The following ABCG1 variants were observed in gnomAD, a reference collection of about 807,000 sequenced individuals.
ABCG1 encodes ATP-binding cassette sub-family G member 1.
Under a neutral mutation model 69.2 loss-of-function variants are expected in ABCG1, and 29 were observed. That is an observed-to-expected ratio of 0.42 (90% CI 0.31 to 0.57). The LOEUF is 0.57. Ranked by LOEUF, ABCG1 falls within the 20% of genes least tolerant of loss-of-function variation. The probability of loss-of-function intolerance (pLI) is 0.15; values close to 1 mark genes in which losing one functional copy is unlikely to be tolerated. For synonymous variants in ABCG1, 370 were observed against 374.8 expected (o/e 0.99, Z 0.15); for missense variants, 718 against 898.1 (o/e 0.80, Z 2.56).
Position 42,276,902 on chromosome 21 carries a change from C to G in ABCG1, c.545C>G (p.Ala182Gly). ...LTVQEAMMVS[A>G]HLKLQEKDEG... ...TGTCCTTGTCCCCTGCAGGTGTCGG[C>G]ACATCTGAAGCTTCAGGAGAAGGAT... Residue 182 changes from alanine to glycine, a missense_variant, in exon 5 of 15, where the codon GCA (alanine) becomes GGA (glycine). By Grantham distance (60) the Ala-to-Gly change is moderately conservative (BLOSUM62 0). Transcript: ENST00000398449. This position sits in a 1 kb window ranked among gnomAD's most constrained non-coding sequence, Gnocchi z 5.3. 8 of 1,614,154 alleles carry G rather than the reference C, an allele frequency of 5.0e-6. No homozygotes were observed. Among genetic ancestry groups the G allele is most frequent in the Non-Finnish European group, 6.8e-6 (8 of 1,180,014 alleles).
chr21:42,256,771 G>C (rs996070475), intron 2 of ABCG1, among the ~76,000 whole-genome samples: 2 of 152,184 alleles, frequency 1.3e-5, no homozygotes, highest in African/African-American at 4.8e-5. Context: ...AAGGAACTGG[G>C]TCTGCAATGT....
intron 6 of ABCG1, among the ~76,000 whole-genome samples, chr21:42,284,321 G>T (rs909604948): frequency 2.0e-5 from 3 of 151,708 alleles, no homozygotes; most frequent in Admixed American, 6.5e-5. Context: ...AGCAAGGCTC[G>T]CTGGGGTCCC....
upstream of ABCG1, chr21:42,219,051 C>A (rs72542414): frequency 2.6e-5 from 7 of 267,940 alleles, no homozygotes; most frequent in Non-Finnish European, 4.6e-5. This position sits in a 1 kb window ranked among gnomAD's most constrained non-coding sequence, Gnocchi z 5.3. Flanking sequence ...GCGCACCTGC[C>A]GGCCCGCCCG....
Position 42,219,984 on chromosome 21 carries a change from C to T in ABCG1, c.42+680C>T. 3 of 1,552,986 alleles carry T rather than the reference C, an allele frequency of 1.9e-6. No homozygotes were observed. Among genetic ancestry groups the T allele is most frequent in the Non-Finnish European group, 2.6e-6 (3 of 1,147,604 alleles). On this transcript the variant is annotated intron_variant, in intron 1 of 14. Coordinates refer to ENST00000398449, the MANE Select transcript of ABCG1 (RefSeq NM_016818.3). This position sits in a 1 kb window ranked among gnomAD's most constrained non-coding sequence, Gnocchi z 5.3. Reference sequence around the variant, plus strand: ...GGTGGGGACAGGGATGCGCATTTCACTTCCCCGAGCTCCGGAGAGGGATGG... The same window carrying T: ...GGTGGGGACAGGGATGCGCATTTCATTTCCCCGAGCTCCGGAGAGGGATGG...
At chr21:42,218,940 G>T (rs184756729), upstream of ABCG1, among the ~76,000 whole-genome samples, 27 of 152,268 alleles carry the variant, frequency 1.8e-4, no homozygotes, top group Middle Eastern at 6.8e-3. Context: ...GGTGGCAGGG[G>T]GTTCCCATGC....
At chr21:42,253,369 T>A (rs1221101733) in intron 2 of ABCG1, among the ~76,000 whole-genome samples, 1 of 152,188 alleles carries the variant, frequency 6.6e-6, no homozygotes, top group Non-Finnish European at 1.5e-5. Context: ...GGGGGAAAGC[T>A]GGGACCCCAC....
rs2068644930 is a variant in ABCG1, at chr21:42,273,111, T to A, written c.405-192T>A. Among the ~76,000 whole-genome samples, 1 of 152,220 alleles carries A rather than the reference T, an allele frequency of 6.6e-6. No homozygotes were observed. Among genetic ancestry groups the A allele is most frequent in the African/African-American group, 2.4e-5 (1 of 41,450 alleles). On this transcript the variant is annotated intron_variant, in intron 3 of 14. Transcript: ENST00000398449. The surrounding 1 kb of genome is among the most constrained non-coding windows in gnomAD (Gnocchi z 5.3). The stretch of plus-strand genomic sequence containing the variant: ...CCCAGCAGGAGCTTTCTCTGTGGAA[T>A]GTCTTCCTCCCGATCGCTGCAGTGC...
chr21:42,287,276 G>A lies in ABCG1; in HGVS notation c.974-613G>A, dbSNP rs1399208629. ...GTCCAGGTGGAGGGAGACCTTAGGGGAGCGAGTCTGCAGGTGGAGTGGGGA... is the reference window on the plus strand; with the variant it reads ...GTCCAGGTGGAGGGAGACCTTAGGGAAGCGAGTCTGCAGGTGGAGTGGGGA... On this transcript the variant is annotated intron_variant, in intron 8 of 14. Transcript: ENST00000398449. The surrounding 1 kb of genome is among the most constrained non-coding windows in gnomAD (Gnocchi z 6.2). Among the ~76,000 whole-genome samples the A allele has an allele frequency of 6.6e-6, 1 of 152,146 alleles. No homozygotes were observed. Among genetic ancestry groups the A allele is most frequent in the Non-Finnish European group, 1.5e-5 (1 of 68,022 alleles).
At chr21:42,202,389 C>T (rs556045611) in intron 2 of ABCG1, among the ~76,000 whole-genome samples, 1 of 152,132 alleles carries the variant, frequency 6.6e-6, no homozygotes, top group East Asian at 1.9e-4. Context: ...CCTTGCAGAA[C>T]TTTCTACACA....
chr21:42,283,634 C>T (rs899813774), intron 6 of ABCG1, among the ~76,000 whole-genome samples: 3 of 150,936 alleles, frequency 2.0e-5, no homozygotes, highest in Non-Finnish European at 4.4e-5. Context: ...CAGCTGCCTG[C>T]CTGGACAGTT....
chr21:42,203,957 T>C (rs568122913), intron 2 of ABCG1, among the ~76,000 whole-genome samples: 4 of 152,394 alleles, frequency 2.6e-5, no homozygotes, highest in African/African-American at 9.6e-5. Flanking sequence ...ATACAAGTCC[T>C]GTACCTGTTT....
chr21:42,208,226 T>A (rs1320776354), intron 2 of ABCG1, among the ~76,000 whole-genome samples: 1 of 147,272 alleles, frequency 6.8e-6, no homozygotes, highest in Non-Finnish European at 1.5e-5. Flanking sequence ...GTTGGGACTT[T>A]TTTTTTTTTT....
In ABCG1 at chr21:42,219,367, A is replaced by G. The variant is rs2067684052; in HGVS notation, c.42+63A>G. 3 of 1,561,178 alleles carry G rather than the reference A, an allele frequency of 1.9e-6. No individual in the cohort carries two copies. In the Admixed American group the frequency reaches 5.5e-5, roughly 29 times the overall value. On this transcript the variant is annotated intron_variant, in intron 1 of 14. Coordinates refer to ENST00000398449, the MANE Select transcript of ABCG1 (RefSeq NM_016818.3). The surrounding 1 kb of genome is among the most constrained non-coding windows in gnomAD (Gnocchi z 5.3). ...TATTTTCAAGGAGAGCAGGAAACAC[A>G]CAAAGACTCGCAAGCTCGACCTGAC... is the stretch of plus-strand genomic sequence containing the variant.
At chr21:42,279,011 G>A (rs969501857) in intron 5 of ABCG1, among the ~76,000 whole-genome samples, 21 of 152,028 alleles carry the variant, frequency 1.4e-4, no homozygotes. Context: ...TGCTCCTCCC[G>A]AAGCCTGGAT....
Position 42,288,087 on chromosome 21 carries a change from C to T in ABCG1, c.1122+50C>T, listed in dbSNP as rs775172016. The T allele has an allele frequency of 9.4e-6, 15 of 1,603,838 alleles. No individual in the cohort carries two copies. The highest frequency in any genetic ancestry group is 9.0e-5 in the East Asian group (4 of 44,586). Reference sequence around the variant, plus strand: ...GGGTTGAGAAAGGTAATGCAAATCCCGAAGCCCCCTGGGGGAGGCTGCACG... The same window carrying T: ...GGGTTGAGAAAGGTAATGCAAATCCTGAAGCCCCCTGGGGGAGGCTGCACG... On this transcript the variant is annotated intron_variant, in intron 9 of 14. Coordinates refer to ENST00000398449, the MANE Select transcript of ABCG1 (RefSeq NM_016818.3). The surrounding 1 kb of genome is among the most constrained non-coding windows in gnomAD (Gnocchi z 4.8).
At chr21:42,274,650 T>A (rs771453401) in intron 4 of ABCG1, among the ~76,000 whole-genome samples, 13 of 152,126 alleles carry the variant, frequency 8.5e-5, no homozygotes, top group Non-Finnish European at 1.3e-4. Context: ...GATTTGTGTA[T>A]TTTTGGTAGA....
chr21:42,265,296 C>T (rs956956412), intron 2 of ABCG1, among the ~76,000 whole-genome samples: 7 of 152,174 alleles, frequency 4.6e-5, no homozygotes, highest in East Asian at 1.9e-4. Flanking sequence ...TTGCATCCCC[C>T]AAATAGATAT....
upstream of ABCG1, among the ~76,000 whole-genome samples, chr21:42,215,293 G>C (rs1284457635): frequency 6.6e-6 from 1 of 152,234 alleles, no homozygotes; most frequent in Non-Finnish European, 1.5e-5. Context: ...CAAGCACCAA[G>C]GGCAGGATCC....
chr21:42,216,499 G>A (rs2067642063), upstream of ABCG1, among the ~76,000 whole-genome samples: 1 of 152,152 alleles, frequency 6.6e-6, no homozygotes, highest in South Asian at 2.1e-4. Flanking sequence ...TGTGAACCAG[G>A]CCAGGCCCAT....
Sources: allele counts gnomAD v4.1 joint callset (sites outside exome capture counted in the v4.1 genomes callset), GRCh38; gene constraint gnomAD v4.1.1; non-coding constraint Gnocchi (gnomAD v3.1); transcripts MANE v1.5; gene names NCBI Gene and HGNC (gene_info 2026-07-23, HGNC 2026-07-21).